The following DHX15 variants were observed in gnomAD, a reference collection of about 807,000 sequenced individuals.
DHX15 encodes the protein ATP-dependent RNA helicase DHX15.
In DHX15, 11 loss-of-function variants were observed where a neutral mutation model predicts 94.4. The observed-to-expected ratio is 0.12, with a 90% confidence interval of 0.07 to 0.19. The LOEUF (loss-of-function observed/expected upper bound fraction) is 0.19, where lower values mean the gene tolerates loss of function less well. Among genes scored for constraint, DHX15 ranks in the 10% least tolerant of loss-of-function variants. The probability of loss-of-function intolerance (pLI) is 1.00; values close to 1 mark genes in which losing one functional copy is unlikely to be tolerated. For synonymous variants in DHX15, 338 were observed against 329.9 expected (o/e 1.02, Z -0.27); for missense variants, 304 against 988.5 (o/e 0.31, Z 9.29).
At chr4:24,563,730 G>A (rs1186129174) in intron 3 of DHX15, among the ~76,000 whole-genome samples, 1 of 152,226 alleles carries the variant, frequency 6.6e-6, no homozygotes, top group South Asian at 2.1e-4. Context: ...TTTTGATGTC[G>A]TATTTGTGGA....
chr4:24,527,924 T>C lies in DHX15; in HGVS notation c.2388A>G (p.Ter796TrpextTer14). 6.2e-7 allele frequency: 1 copy of C among 1,604,302 alleles called. No individual in the cohort carries two copies. The highest frequency in any genetic ancestry group is 8.5e-7 in the Non-Finnish European group (1 of 1,171,154). The part of the protein sequence containing the change: ...KLQSKEYSQY[*>W] ...ATAACTTCAGTTCTAAGCACTGAAT[T>C]CAGTACTGTGAATATTCCTTGGATT... The change falls in exon 14 of 14, where the codon TGA becomes TGG. Residue 796 changes from the stop codon to tryptophan (W), a stop_lost. Coordinates refer to ENST00000336812, the MANE Select transcript of DHX15 (RefSeq NM_001358.3).
intron 7 of DHX15, 31 bp downstream of exon 7, chr4:24,542,909 C>G (rs758032651): frequency 2.0e-6 from 3 of 1,533,588 alleles, no homozygotes; most frequent in South Asian, 1.1e-5. Context: ...TAAACCAACT[C>G]TAATTTATAA....
chr4:24,543,049 AATT>A, intron 6 of DHX15, 23 bp from the exon 7 acceptor site: 4 of 1,522,042 alleles, frequency 2.6e-6, no homozygotes, highest in African/African-American at 1.4e-5. Context: ...AGAGTATATA[AATT>A]ATATTACATA....
intron 12 of DHX15, 53 bp from the exon 13 acceptor site, chr4:24,529,823 G>A: frequency 1.3e-6 from 2 of 1,567,034 alleles, no homozygotes; most frequent in Admixed American, 1.7e-5. Context: ...CTTGCTAGTT[G>A]TAAAGCTACC....
intron 1 of DHX15, chr4:24,580,988 C>T (rs571484546): frequency 1.3e-5 from 2 of 151,926 alleles, no homozygotes; most frequent in East Asian, 3.9e-4. Flanking sequence ...TGATGTCATA[C>T]CTTTACAACT....
intron 4 of DHX15, among the ~76,000 whole-genome samples, 195 bp from the exon 5 acceptor site, chr4:24,555,138 G>GA (rs747408782): frequency 1.3e-5 from 2 of 151,152 alleles, no homozygotes; most frequent in South Asian, 4.2e-4. Flanking sequence ...TAAAAATTTA[G>GA]AAAAAAAATA....
chr4:24,552,599 T>G (rs1721632075), intron 5 of DHX15, among the ~76,000 whole-genome samples: 1 of 152,318 alleles, frequency 6.6e-6, no homozygotes, highest in African/African-American at 2.4e-5. Flanking sequence ...TGCATTTAAC[T>G]TACCAAGTAA....
At chr4:24,560,657 A>G (rs984034114) in intron 3 of DHX15, among the ~76,000 whole-genome samples, 2 of 152,206 alleles carry the variant, frequency 1.3e-5, no homozygotes, top group Non-Finnish European at 2.9e-5. Context: ...ATATGATGAA[A>G]CATCTAATTC....
chr4:24,544,884 G>GGATTATTT (rs1721390096), intron 6 of DHX15, among the ~76,000 whole-genome samples: 1 of 152,068 alleles, frequency 6.6e-6, no homozygotes, highest in South Asian at 2.1e-4. Flanking sequence ...AGGCCAAGGA[G>GGATTATTT]GATTATTTGA....
At chr4:24,544,700 C>T (rs1028767392) in intron 6 of DHX15, among the ~76,000 whole-genome samples, 1 of 152,154 alleles carries the variant, frequency 6.6e-6, no homozygotes, top group African/African-American at 2.4e-5. Context: ...GCTAAAGTAA[C>T]TGGAAAGGTT....
At chr4:24,562,087 G>T (rs1023471185) in intron 3 of DHX15, among the ~76,000 whole-genome samples, 1 of 126,686 alleles carries the variant, frequency 7.9e-6, no homozygotes, top group African/African-American at 2.9e-5. Flanking sequence ...AGCGAGCTGA[G>T]ATTGGGTCAC....
intron 1 of DHX15, 72 bp downstream of exon 1, chr4:24,584,251 A>AGCCCCGGCCCGCTCCC: frequency 6.8e-7 from 1 of 1,474,920 alleles, no homozygotes; most frequent in South Asian, 1.2e-5. Flanking sequence ...CGGCCAGGCC[A>AGCCCCGGCCCGCTCCC]GCCCCGGCCC....
At chr4:24,531,924 T>C in intron 12 of DHX15, among the ~76,000 whole-genome samples, 1 of 152,200 alleles carries the variant, frequency 6.6e-6, no homozygotes, top group South Asian at 2.1e-4. Flanking sequence ...CCAATCTCCT[T>C]TGATTTTTGA....
chr4:24,564,870 A>C (rs1286871170), intron 3 of DHX15, among the ~76,000 whole-genome samples: 1 of 152,222 alleles, frequency 6.6e-6, no homozygotes, highest in Non-Finnish European at 1.5e-5. Context: ...TACATCAAAC[A>C]GGGCAAAAAG....
intron 3 of DHX15, among the ~76,000 whole-genome samples, chr4:24,570,023 C>T (rs1722086037): frequency 6.6e-6 from 1 of 152,196 alleles, no homozygotes; most frequent in Non-Finnish European, 1.5e-5. Context: ...GAGAAAGAAT[C>T]ATCATCAGGT....
chr4:24,569,287 T>C (rs759959005), intron 3 of DHX15, among the ~76,000 whole-genome samples: 32 of 151,942 alleles, frequency 2.1e-4, no homozygotes, highest in Non-Finnish European at 4.0e-4. Flanking sequence ...ACACATGCAG[T>C]TCATTATTCT....
intron 1 of DHX15, among the ~76,000 whole-genome samples, chr4:24,577,177 G>C (rs1482066831): frequency 6.6e-6 from 1 of 152,128 alleles, no homozygotes; most frequent in African/African-American, 2.4e-5. Context: ...GGTGGGTTTT[G>C]CTCAATACTT....
At chr4:24,554,203 G>GC (rs1208661129) in intron 5 of DHX15, among the ~76,000 whole-genome samples, 1 of 152,050 alleles carries the variant, frequency 6.6e-6, no homozygotes, top group Non-Finnish European at 1.5e-5. Flanking sequence ...GGGCGACAGC[G>GC]CAAGACTCCG....
At chr4:24,579,006 A>G (rs903580943) in intron 1 of DHX15, among the ~76,000 whole-genome samples, 1 of 152,208 alleles carries the variant, frequency 6.6e-6, no homozygotes, top group Non-Finnish European at 1.5e-5. Flanking sequence ...CTATACTAAC[A>G]AAGATTTTTT....
Sources: allele counts gnomAD v4.1 joint callset (sites outside exome capture counted in the v4.1 genomes callset), GRCh38; gene constraint gnomAD v4.1.1; transcripts MANE v1.5; gene names NCBI Gene and HGNC (gene_info 2026-07-23, HGNC 2026-07-21).